Variants in PACSIN2 observed in about 807,000 individuals in gnomAD.
PACSIN2 encodes protein kinase C and casein kinase substrate in neurons protein 2.
Under a neutral mutation model 63.8 loss-of-function variants are expected in PACSIN2, and 25 were observed. The observed-to-expected ratio is 0.39, with a 90% CI of 0.29 to 0.55. PACSIN2 has a LOEUF of 0.55. Among genes scored for constraint, PACSIN2 ranks in the 20% least tolerant of loss-of-function variants. The probability of loss-of-function intolerance (pLI) is 0.62; values close to 1 mark genes in which losing one functional copy is unlikely to be tolerated. For synonymous variants in PACSIN2, 255 were observed against 256.2 expected, an observed-to-expected ratio of 1.00 and a Z score of 0.05; for missense variants, 518 against 646.9, an observed-to-expected ratio of 0.80 and a Z score of 2.16.
intron 1 of PACSIN2, among the ~76,000 whole-genome samples, chr22:42,917,103 A>G (rs552811743): frequency 6.6e-6 from 1 of 152,112 alleles, no homozygotes; most frequent in East Asian, 1.9e-4. Flanking sequence ...ACACGCGTGC[A>G]CTCCATTTAG....
intron 1 of PACSIN2, among the ~76,000 whole-genome samples, chr22:43,014,671 C>A (rs1468697440): frequency 6.6e-6 from 1 of 151,736 alleles, no homozygotes; most frequent in African/African-American, 2.4e-5. Flanking sequence ...CAGCTCTTAA[C>A]CCCCGACGGC....
chr22:42,884,627 T>C, intron 5 of PACSIN2, 66 bp from the exon 6 acceptor site: 3 of 1,366,332 alleles, frequency 2.2e-6, no homozygotes, highest in Non-Finnish European at 3.1e-6. Context: ...ACCCTGCCCC[T>C]GGAGTGTCTC....
At chr22:42,979,431 T>C (rs937091219) in intron 1 of PACSIN2, among the ~76,000 whole-genome samples, 2 of 140,516 alleles carry the variant, frequency 1.4e-5, no homozygotes, top group East Asian at 4.2e-4. Flanking sequence ...GGCTGAGGCA[T>C]GGGAATCACT....
chr22:42,984,956 G>C (rs1214360306), intron 1 of PACSIN2, among the ~76,000 whole-genome samples: 1 of 152,198 alleles, frequency 6.6e-6, no homozygotes, highest in Non-Finnish European at 1.5e-5. Context: ...CCTAGAGATG[G>C]ATATATGTGG....
intron 1 of PACSIN2, among the ~76,000 whole-genome samples, chr22:42,983,174 G>A (rs183421113): frequency 3.6e-4 from 55 of 151,984 alleles, no homozygotes; most frequent in Admixed American, 1.2e-3. Flanking sequence ...AAAATTAGCC[G>A]GCTGTGGTGA....
At chr22:42,970,674 T>C (rs1921190121) in intron 1 of PACSIN2, among the ~76,000 whole-genome samples, 1 of 152,212 alleles carries the variant, frequency 6.6e-6, no homozygotes, top group Non-Finnish European at 1.5e-5. Context: ...AATGTGGTCT[T>C]CTTTTTAAAA....
At chr22:42,989,883 T>TAC (rs1273127043) in intron 1 of PACSIN2, among the ~76,000 whole-genome samples, 3 of 136,158 alleles carry the variant, frequency 2.2e-5, no homozygotes, top group Non-Finnish European at 4.9e-5. Context: ...TATATATATA[T>TAC]ATACACACAC....
At chr22:42,878,993 C>A in intron 8 of PACSIN2, 55 bp downstream of exon 8, 1 of 1,577,924 alleles carries the variant, frequency 6.3e-7, no homozygotes, top group Non-Finnish European at 8.6e-7. Flanking sequence ...ATGCAGATTG[C>A]CCAGGGCCCC....
intron 1 of PACSIN2, among the ~76,000 whole-genome samples, chr22:43,010,307 G>A (rs1924380616): frequency 6.6e-6 from 1 of 151,032 alleles, no homozygotes. Context: ...GGGAACCCGA[G>A]ATGGGAGGAT....
intron 1 of PACSIN2, among the ~76,000 whole-genome samples, chr22:42,996,579 G>A (rs954996199): frequency 6.7e-6 from 1 of 150,176 alleles, no homozygotes; most frequent in Admixed American, 6.7e-5. Flanking sequence ...GTACACACTT[G>A]TAATTTGGGA....
At chr22:42,919,250 C>T (rs117649709) in intron 1 of PACSIN2, among the ~76,000 whole-genome samples, 2 of 152,276 alleles carry the variant, frequency 1.3e-5, no homozygotes, top group East Asian at 3.9e-4. Context: ...TATTTGTCCC[C>T]TCTGAGAGCC....
At chr22:42,954,042 C>A (rs1257372919) in intron 1 of PACSIN2, among the ~76,000 whole-genome samples, 2 of 152,198 alleles carry the variant, frequency 1.3e-5, no homozygotes, top group African/African-American at 4.8e-5. Flanking sequence ...AGGCAGATCA[C>A]TTGAGGTCAG....
intron 1 of PACSIN2, among the ~76,000 whole-genome samples, chr22:42,937,135 T>G (rs1248254443): frequency 6.6e-6 from 1 of 151,878 alleles, no homozygotes; most frequent in Non-Finnish European, 1.5e-5. Flanking sequence ...CTGGCACAGG[T>G]GACTGACCCA....
intron 1 of PACSIN2, among the ~76,000 whole-genome samples, chr22:42,998,656 A>G (rs1232539307): frequency 6.6e-6 from 1 of 152,210 alleles, no homozygotes; most frequent in Admixed American, 6.5e-5. Context: ...ATATATAGTA[A>G]TGATACAAAC....
chr22:42,990,629 G>C (rs1922977784), intron 1 of PACSIN2, among the ~76,000 whole-genome samples: 1 of 152,202 alleles, frequency 6.6e-6, no homozygotes, highest in South Asian at 2.1e-4. Context: ...CAGTAGACAA[G>C]ATTTGCATGG....
intron 1 of PACSIN2, among the ~76,000 whole-genome samples, chr22:42,953,438 G>T (rs2146833704): frequency 6.6e-6 from 1 of 152,250 alleles, no homozygotes; most frequent in South Asian, 2.1e-4. Context: ...TGCATTGAAG[G>T]GCCTAGCCAC....
At chr22:42,924,772 T>C (rs977057789) in intron 1 of PACSIN2, among the ~76,000 whole-genome samples, 26 of 151,518 alleles carry the variant, frequency 1.7e-4, no homozygotes, top group Non-Finnish European at 2.8e-4. Flanking sequence ...TTTTTTTTTT[T>C]TCGACACAGT....
intron 5 of PACSIN2, among the ~76,000 whole-genome samples, chr22:42,886,408 G>GTATA (rs1320805248): frequency 3.7e-5 from 5 of 135,760 alleles, no homozygotes; most frequent in African/African-American, 1.4e-4. Flanking sequence ...GTCAGCAATG[G>GTATA]TATGTATGTA....
At chr22:42,956,797 C>T (rs1933934762) in intron 1 of PACSIN2, among the ~76,000 whole-genome samples, 1 of 152,128 alleles carries the variant, frequency 6.6e-6, no homozygotes, top group Non-Finnish European at 1.5e-5. Context: ...GCAATGCCAG[C>T]ACTGCAACAG....
Sources: gnomAD v4.1 joint callset for allele counts (sites outside exome capture counted in the v4.1 genomes callset) on GRCh38, gnomAD v4.1.1 for gene constraint, MANE v1.5 for transcripts, NCBI Gene and HGNC (gene_info 2026-07-23, HGNC 2026-07-21) for gene names.